The following ZNF10 variants were observed in gnomAD, a reference collection of about 807,000 sequenced individuals.
The protein encoded by ZNF10 is zinc finger protein 10, also known as zinc finger protein 10 (KOX 1).
Under a neutral mutation model 12.2 loss-of-function variants are expected in ZNF10, and 8 were observed. The ratio of observed to expected loss-of-function variants is 0.66; its 90% CI spans 0.39 to 1.18. ZNF10 has a LOEUF of 1.18. ZNF10 is among the 50% of genes most tolerant of loss of function. The pLI, the probability that ZNF10 is intolerant of heterozygous loss-of-function variation, is 0.01. For missense variants in ZNF10, 603 were observed against 678.9 expected (o/e 0.89, Z 1.24); for synonymous variants, 229 against 228.2 (o/e 1.00, Z -0.03).
At chr12:133,155,097 G>A (rs554277754) in intron 4 of ZNF10, among the ~76,000 whole-genome samples, 1 of 151,932 alleles carries the variant, frequency 6.6e-6, no homozygotes, top group Non-Finnish European at 1.5e-5. Flanking sequence ...AAAAGAGAGA[G>A]AATACTAAAT....
At position 133,158,079 on chromosome 12, in the gene ZNF10, C is replaced by A. The variant is rs938015262; in HGVS notation, c.*1111C>A. The A allele has an allele frequency of 2.6e-5, 4 of 152,110 alleles. No homozygotes were observed. The highest frequency in any genetic ancestry group is 9.7e-5 in the African/African-American group (4 of 41,432). The allele number at this position is 152,110 out of a possible 1,614,324, so 9.4% of individuals were successfully genotyped here. A position where few individuals can be genotyped will look rare whatever the true frequency, so the allele number is the denominator to read the frequency against. ...TGAGCTAGACTACCCAGGTTGAAAC[C>A]CCACTAGCTGGGTGATCTTGAACAT... On this transcript the variant is annotated 3_prime_UTR_variant, in exon 5 of 5. Coordinates refer to ENST00000248211, the MANE Select transcript of ZNF10 (RefSeq NM_015394.5).
At chr12:133,149,078 G>A (rs1955993069) in intron 2 of ZNF10, among the ~76,000 whole-genome samples, 1 of 151,588 alleles carries the variant, frequency 6.6e-6, no homozygotes, top group African/African-American at 2.4e-5. Flanking sequence ...GTAGCAGATA[G>A]TTGAGGCTTG....
intron 2 of ZNF10, among the ~76,000 whole-genome samples, chr12:133,146,220 C>T (rs1338748840): frequency 6.6e-6 from 1 of 152,180 alleles, no homozygotes; most frequent in African/African-American, 2.4e-5. Flanking sequence ...AGGCTGTTCC[C>T]ATCTGTCAAG....
chr12:133,148,750 G>GTTT (rs201972025), intron 2 of ZNF10, among the ~76,000 whole-genome samples: 32 of 137,400 alleles, frequency 2.3e-4, no homozygotes, highest in Non-Finnish European at 3.5e-4. Context: ...ATTCAATGTT[G>GTTT]GTTTTTTTTT....
In ZNF10 at chr12:133,155,765, T is replaced by C. The variant is rs765430199; in HGVS notation, c.519T>C (p.Cys173=). ...VSESGKYGGN[C]LLPAQLVLRE... is the part of the protein sequence containing the mutation. Reference sequence around the variant, plus strand: ...AAAGTGGTAAATATGGGGGAAACTGTCTTCTTCCTGCTCAGCTAGTACTGA... The same window carrying C: ...AAAGTGGTAAATATGGGGGAAACTGCCTTCTTCCTGCTCAGCTAGTACTGA... Residue 173 remains cysteine (C), a synonymous_variant, in exon 5 of 5, where the codon TGT becomes TGC. Transcript: ENST00000248211. 1 of 1,613,168 alleles carries C rather than the reference T, an allele frequency of 6.2e-7. No individual in the cohort carries two copies. Among genetic ancestry groups the C allele is most frequent in the Admixed American group, 1.7e-5 (1 of 59,854 alleles).
rs527950891 is a variant in ZNF10 at position 133,151,742 on chromosome 12, G to A, written c.161-67G>A. On this transcript the variant is annotated intron_variant, in intron 3 of 4. Transcript: ENST00000248211. The stretch of plus-strand genomic sequence containing the variant: ...TTGGTGGTCAGGTTGAATCTGAGAT[G>A]TTTCTTCGTGCCTACCTCAGAGCTC... The A allele has an allele frequency of 8.2e-5, 105 of 1,287,870 alleles. No individual in the cohort carries two copies. In the South Asian group the frequency reaches 1.3e-3, roughly 16 times the overall value. The allele number at this position is 1,287,870 out of a possible 1,614,324, so 79.8% of individuals were successfully genotyped here.
In ZNF10 at chr12:133,156,085, T is replaced by C; in HGVS notation, c.839T>C (p.Leu280Pro). The change falls in exon 5 of 5, where the codon CTT becomes CCT. Residue 280 changes from leucine (L) to proline (P), a missense_variant. Physicochemically the swap from Leu to Pro is moderately conservative, Grantham distance 98 (BLOSUM62 -3). Coordinates refer to ENST00000248211, the MANE Select transcript of ZNF10 (RefSeq NM_015394.5). The part of the protein sequence containing the change: ...CGKFFSWRSN[L>P]TRHQLIHTGE... ...AAATTCTTCAGCTGGCGCTCTAATC[T>C]TACTAGGCATCAGCTTATTCATACT... 1 of 1,613,418 alleles carries C rather than the reference T, an allele frequency of 6.2e-7. No individual in the cohort carries two copies. The highest frequency in any genetic ancestry group is 1.7e-5 in the Admixed American group (1 of 60,014).
chr12:133,135,926 C>G (rs1955908650), intron 1 of ZNF10, among the ~76,000 whole-genome samples: 1 of 152,214 alleles, frequency 6.6e-6, no homozygotes, highest in African/African-American at 2.4e-5. Flanking sequence ...GTAACCTCAG[C>G]TTATCTTTTG....
chr12:133,154,274 G>T (rs1195973460), intron 4 of ZNF10, among the ~76,000 whole-genome samples: 2 of 152,106 alleles, frequency 1.3e-5, no homozygotes, highest in East Asian at 3.9e-4. Flanking sequence ...TTATTCAAGA[G>T]AAATAATTTG....
At chr12:133,145,919 A>C (rs1445279508) in intron 2 of ZNF10, among the ~76,000 whole-genome samples, 6 of 152,106 alleles carry the variant, frequency 3.9e-5, no homozygotes, top group Admixed American at 3.3e-4. Context: ...CATGTCATGC[A>C]CCTTTCAGTG....
At chr12:133,153,039 A>G (rs1566349970) in intron 4 of ZNF10, among the ~76,000 whole-genome samples, 1 of 150,918 alleles carries the variant, frequency 6.6e-6, no homozygotes, top group Non-Finnish European at 1.5e-5. Flanking sequence ...ATATTGTTAT[A>G]TTTTCTTTTT....
chr12:133,148,286 A>G (rs1955987328), intron 2 of ZNF10, among the ~76,000 whole-genome samples: 1 of 151,962 alleles, frequency 6.6e-6, no homozygotes, highest in Admixed American at 6.6e-5. Context: ...ATGCCCAGCT[A>G]ATTTTTGTAT....
intron 1 of ZNF10, chr12:133,144,221 A>G (rs1013547653): frequency 6.5e-6 from 2 of 307,910 alleles, no homozygotes; most frequent in Non-Finnish European, 1.2e-5. Flanking sequence ...AACTCCAGAG[A>G]TTAAGGGGGT....
chr12:133,144,408 A>C, intron 1 of ZNF10, 26 bp from the exon 2 acceptor site: 1 of 1,473,748 alleles, frequency 6.8e-7, no homozygotes, highest in Non-Finnish European at 9.4e-7. Context: ...TAGCAAACTT[A>C]ACTTATGTTT....
At position 133,156,977 on chromosome 12, in the gene ZNF10, G is replaced by C. The variant is rs748834411; in HGVS notation, c.*9G>C. 1.4e-6 allele frequency: 2 copies of C among 1,406,962 alleles called. No individual in the cohort carries two copies. The highest frequency in any genetic ancestry group is 1.9e-6 in the Non-Finnish European group (2 of 1,077,632). The allele number at this position is 1,406,962 out of a possible 1,614,324, so 87.2% of individuals were successfully genotyped here. A position where few individuals can be genotyped will look rare whatever the true frequency, so the allele number is the denominator to read the frequency against. ...GAGAAAATGCTTACTAATAAATATGGGAATTTTTCACAAAGAGCAATGACT... is the reference window on the plus strand; with the variant it reads ...GAGAAAATGCTTACTAATAAATATGCGAATTTTTCACAAAGAGCAATGACT... On this transcript the variant is annotated 3_prime_UTR_variant, in exon 5 of 5. Transcript: ENST00000248211.
intron 1 of ZNF10, among the ~76,000 whole-genome samples, chr12:133,141,551 A>G (rs1955944277): frequency 6.6e-6 from 1 of 152,230 alleles, no homozygotes; most frequent in South Asian, 2.1e-4. Context: ...TATTGCCTGA[A>G]ATGAAAATAT....
chr12:133,146,740 G>A (rs1955978476), intron 2 of ZNF10, among the ~76,000 whole-genome samples: 2 of 152,162 alleles, frequency 1.3e-5, no homozygotes, highest in African/African-American at 4.8e-5. Context: ...CAGGTACCTG[G>A]GAGGCTGAGG....
In ZNF10 at chr12:133,155,783, A is replaced by G; in HGVS notation, c.537A>G (p.Leu179=). 1 of 1,613,866 alleles carries G rather than the reference A, an allele frequency of 6.2e-7. No individual in the cohort carries two copies. The highest frequency in any genetic ancestry group is 1.3e-5 in the African/African-American group (1 of 75,062). ...GAAACTGTCTTCTTCCTGCTCAGCTAGTACTGAGAGAGTATTTCCATAAAC... is the reference window on the plus strand; with the variant it reads ...GAAACTGTCTTCTTCCTGCTCAGCTGGTACTGAGAGAGTATTTCCATAAAC... The part of the protein sequence containing the change: ...YGGNCLLPAQ[L]VLREYFHKRD... Residue 179 remains leucine (L), a synonymous_variant, in exon 5 of 5, where the codon CTA becomes CTG. Coordinates refer to ENST00000248211, the MANE Select transcript of ZNF10 (RefSeq NM_015394.5).
chr12:133,148,540 A>G (rs1289903662), intron 2 of ZNF10, among the ~76,000 whole-genome samples: 2 of 152,132 alleles, frequency 1.3e-5, no homozygotes, highest in Non-Finnish European at 2.9e-5. Context: ...ATTTTGATCT[A>G]TTTAGGATTT....
Sources: allele counts gnomAD v4.1 joint callset (sites outside exome capture counted in the v4.1 genomes callset), GRCh38; gene constraint gnomAD v4.1.1; transcripts MANE v1.5; gene names NCBI Gene and HGNC (gene_info 2026-07-23, HGNC 2026-07-21).